The following STARD9 variants were observed in gnomAD, a reference collection of about 807,000 sequenced individuals.
STARD9 encodes stAR-related lipid transfer protein 9.
A neutral mutation model predicts 399.8 loss-of-function variants in STARD9; 346 were observed. The ratio of observed to expected loss-of-function variants is 0.87; its 90% confidence interval spans 0.79 to 0.95. The LOEUF (loss-of-function observed/expected upper bound fraction) is 0.95, where lower values mean the gene tolerates loss of function less well. Ranked by LOEUF, STARD9 falls within the 40% of genes least tolerant of loss-of-function variation. The pLI is 0.00. For missense variants in STARD9, 5,832 were observed against 5,667.5 expected (o/e 1.03, Z -0.93); for synonymous variants, 2,203 against 2,143.5 (o/e 1.03, Z -0.77).
chr15:42,655,250 C>A (rs889574827), intron 9 of STARD9, among the ~76,000 whole-genome samples: 1 of 152,208 alleles, frequency 6.6e-6, no homozygotes, highest in East Asian at 1.9e-4. Flanking sequence ...CCGCTGCACT[C>A]CAGCCTGGGC....
chr15:42,709,132 A>T (rs1474756609), intron 26 of STARD9, among the ~76,000 whole-genome samples: 4 of 152,102 alleles, frequency 2.6e-5, no homozygotes, highest in Non-Finnish European at 5.9e-5. Context: ...GTGGTGGCTG[A>T]CGCCTGTAAT....
At chr15:42,677,956 C>A (rs1304170856) in intron 20 of STARD9, among the ~76,000 whole-genome samples, 1 of 152,180 alleles carries the variant, frequency 6.6e-6, no homozygotes, top group Non-Finnish European at 1.5e-5. Flanking sequence ...CTCTCTAGCC[C>A]CACAGGCACT....
intron 28 of STARD9, among the ~76,000 whole-genome samples, chr15:42,717,355 G>A (rs2061369475): frequency 6.6e-6 from 1 of 152,104 alleles, no homozygotes; most frequent in African/African-American, 2.4e-5. Flanking sequence ...AGGCGTGGTA[G>A]CTCACACCTG....
In STARD9 at chr15:42,684,161, T is replaced by A. The variant is rs1470806795; in HGVS notation, c.2583T>A (p.Pro861=). ...CCTCTACCACATTGCCACCTAGGCC[T>A]GACCCTACACACCAAACATCAGAGA... The part of the protein sequence containing the change: ...WDPSTTLPPR[P]DPTHQTSEKT... The change falls in exon 23 of 33, where the codon CCT becomes CCA. Residue 861 remains proline, a synonymous_variant. Transcript: ENST00000290607. The A allele has an allele frequency of 6.5e-7, 1 of 1,537,080 alleles. No homozygotes were observed. Among genetic ancestry groups the A allele is most frequent in the South Asian group, 1.2e-5 (1 of 84,032 alleles).
At chr15:42,617,356 C>T (rs1287397549) in intron 3 of STARD9, among the ~76,000 whole-genome samples, 1 of 152,020 alleles carries the variant, frequency 6.6e-6, no homozygotes. Context: ...ATAACTATTA[C>T]CTATAATAAT....
In STARD9 at chr15:42,605,043, C is replaced by G. The variant is rs184069092; in HGVS notation, c.234+19406C>G. Among the ~76,000 whole-genome samples, 25 of 152,236 alleles carry G rather than the reference C, an allele frequency of 1.6e-4. No individual in the cohort carries two copies. The East Asian group carries it at 4.6e-3, about 28-fold the overall frequency. On this transcript the variant is annotated intron_variant, in intron 3 of 32. Transcript: ENST00000290607. ...GCTGTTTCATGTACATAAATTTAAC[C>G]TCACAGCTTGGTGAGTTTCCAAAAA...
intron 16 of STARD9, 39 bp downstream of exon 16, chr15:42,669,376 G>A (rs764237398): frequency 6.8e-7 from 1 of 1,462,148 alleles, no homozygotes; most frequent in South Asian, 1.3e-5. Flanking sequence ...CTAAGCCACT[G>A]GTTCCAGAGG....
chr15:42,657,054 C>T (rs1280712025), intron 9 of STARD9, among the ~76,000 whole-genome samples: 1 of 151,932 alleles, frequency 6.6e-6, no homozygotes, highest in Non-Finnish European at 1.5e-5. Flanking sequence ...ATTTTAATGT[C>T]AGGCAAAAAA....
intron 9 of STARD9, among the ~76,000 whole-genome samples, chr15:42,654,534 A>G (rs1483953691): frequency 6.6e-6 from 1 of 152,222 alleles, no homozygotes; most frequent in Non-Finnish European, 1.5e-5. Context: ...AGAAAACCCT[A>G]AAGACTTATC....
chr15:42,710,916 TG>T, intron 26 of STARD9, among the ~76,000 whole-genome samples: 1 of 71,188 alleles, frequency 1.4e-5, no homozygotes, highest in African/African-American at 4.1e-4. Flanking sequence ...TCTCTCTCTG[TG>T]TGTGTGTGTC....
Position 42,687,943 on chromosome 15 carries a change from A to C in STARD9, c.6365A>C (p.Asp2122Ala), listed in dbSNP as rs748841057. 6 of 1,537,098 alleles carry C rather than the reference A, an allele frequency of 3.9e-6. No homozygotes were observed. Among genetic ancestry groups the C allele is most frequent in the Non-Finnish European group, 5.2e-6 (6 of 1,146,812 alleles). ...CCATCTTCTCCAAGACAGACAGATG[A>C]TACTGTCTTTAGGGATAGTGAAGCT... ...DQPSSPRQTD[D>A]TVFRDSEAGA... Residue 2122 changes from aspartate to alanine, a missense_variant, in exon 23 of 33, where the codon GAT becomes GCT. By Grantham distance (126) the Asp-to-Ala change is moderately radical (BLOSUM62 -2). Coordinates refer to ENST00000290607, the MANE Select transcript of STARD9 (RefSeq NM_020759.3).
Position 42,687,392 on chromosome 15 carries a change from C to T in STARD9, c.5814C>T (p.Asp1938=). Residue 1938 remains aspartate, a synonymous_variant, in exon 23 of 33, where the codon GAC becomes GAT. Transcript: ENST00000290607. Reference sequence around the variant, plus strand: ...CCATCAATGTAAGCCTTGAGAAAGACATGCCAGGGGAAAGTGCTGTTTCTT... The same window carrying T: ...CCATCAATGTAAGCCTTGAGAAAGATATGCCAGGGGAAAGTGCTGTTTCTT... ...RQTINVSLEK[D]MPGESAVSLK... 1 of 1,536,754 alleles carries T rather than the reference C, an allele frequency of 6.5e-7. No individual in the cohort carries two copies. Among genetic ancestry groups the T allele is most frequent in the Non-Finnish European group, 8.7e-7 (1 of 1,146,902 alleles).
At chr15:42,616,121 A>C (rs1047078151) in intron 3 of STARD9, among the ~76,000 whole-genome samples, 2 of 152,130 alleles carry the variant, frequency 1.3e-5, no homozygotes, top group East Asian at 3.8e-4. Flanking sequence ...ATTGTGTTCT[A>C]CTCATTTAAT....
At chr15:42,592,758 A>C (rs2058426889) in intron 3 of STARD9, among the ~76,000 whole-genome samples, 1 of 152,148 alleles carries the variant, frequency 6.6e-6, no homozygotes, top group Non-Finnish European at 1.5e-5. Context: ...TTCCATTCTT[A>C]AGGCAAGTCA....
intron 8 of STARD9, among the ~76,000 whole-genome samples, chr15:42,652,271 TAA>T (rs201923100): frequency 6.7e-6 from 1 of 148,224 alleles, no homozygotes; most frequent in African/African-American, 2.4e-5. Context: ...TTCTATTGCT[TAA>T]AAAAAAAAAG....
In STARD9 at chr15:42,686,175, C is replaced by T; in HGVS notation, c.4597C>T (p.Pro1533Ser). ...ASSKGGDTLL[P>S]VGPRVSSNLN... The stretch of plus-strand genomic sequence containing the variant: ...TAGCAAAGGAGGAGATACTCTATTG[C>T]CAGTTGGCCCTAGGGTATCTAGCAA... Residue 1533 changes from proline (P) to serine (S), a missense_variant, in exon 23 of 33, where the codon CCA (proline) becomes TCA (serine). By Grantham distance (74) the Pro-to-Ser change is moderately conservative. This residue lies in a region of STARD9 where 5,828 missense variants were observed against 5,651.1 expected (regional missense o/e 1.03). Coordinates refer to ENST00000290607, the MANE Select transcript of STARD9 (RefSeq NM_020759.3). 6.5e-7 allele frequency: 1 copy of T among 1,537,424 alleles called. No individual in the cohort carries two copies. Among genetic ancestry groups the T allele is most frequent in the Non-Finnish European group, 8.7e-7 (1 of 1,146,958 alleles).
chr15:42,694,745 C>A lies in STARD9; in HGVS notation c.12962+20C>A. ...CACCAGGTAGTGTGGACCGAGAACC[C>A]TGCTGGGAGCAGGCTCTGTTGGGGG... On this transcript the variant is annotated intron_variant, in intron 24 of 32. Transcript: ENST00000290607. 1 of 1,534,228 alleles carries A rather than the reference C, an allele frequency of 6.5e-7. No homozygotes were observed. The highest frequency in any genetic ancestry group is 1.2e-5 in the South Asian group (1 of 83,892).
rs1273570216 is a variant in STARD9 at position 42,675,972 on chromosome 15, A to G, written c.1871A>G (p.Glu624Gly). 2.0e-6 allele frequency: 3 copies of G among 1,534,484 alleles called. No individual in the cohort carries two copies. Among genetic ancestry groups the G allele is most frequent in the African/African-American group, 2.8e-5 (2 of 72,614 alleles). The part of the protein sequence containing the change: ...RLGLSPLLWK[E>G]RRALEEQCDE... ...GGTCTCTCCCCTTTGCTTTGGAAGGAAAGGTAAGAAATAGCTGCTTATACT... is the reference window on the plus strand; with the variant it reads ...GGTCTCTCCCCTTTGCTTTGGAAGGGAAGGTAAGAAATAGCTGCTTATACT... The change falls in exon 20 of 33, where the codon GAA becomes GGA. Residue 624 changes from glutamate (E) to glycine (G), a missense_variant. Coordinates refer to ENST00000290607, the MANE Select transcript of STARD9 (RefSeq NM_020759.3).
chr15:42,678,640 C>A (rs2060360726), intron 20 of STARD9, among the ~76,000 whole-genome samples: 1 of 152,156 alleles, frequency 6.6e-6, no homozygotes, highest in Non-Finnish European at 1.5e-5. Context: ...CTGCCAGACC[C>A]CGAGGCTGGG....
Sources: allele counts gnomAD v4.1 joint callset (sites outside exome capture counted in the v4.1 genomes callset), GRCh38; gene constraint gnomAD v4.1.1; regional missense constraint gnomAD v4.1.1; transcripts MANE v1.5; gene names NCBI Gene and HGNC (gene_info 2026-07-23, HGNC 2026-07-21).